TANC2: variants seen among roughly 807,000 people sequenced by gnomAD.
TANC2 encodes protein TANC2.
In TANC2, 26 loss-of-function variants were observed where a neutral mutation model predicts 210.5. The observed-to-expected ratio is 0.12, with a 90% CI of 0.09 to 0.17. The LOEUF (loss-of-function observed/expected upper bound fraction) is 0.17, where lower values mean the gene tolerates loss of function less well. Ranked by LOEUF, TANC2 falls within the 10% of genes least tolerant of loss-of-function variation. The pLI is 1.00. For synonymous variants in TANC2, 931 were observed against 967.1 expected (o/e 0.96, Z 0.69); for missense variants, 2,129 against 2,608.9 (o/e 0.82, Z 4.01).
At chr17:63,388,821 G>A in intron 16 of TANC2, 64 bp downstream of exon 16, 1 of 1,255,166 alleles carries the variant, frequency 8.0e-7, no homozygotes, top group Non-Finnish European at 1.1e-6. Context: ...AAACTAGAAG[G>A]ACATTAAGTA....
rs186574914 is a variant in TANC2 at position 63,167,125 on chromosome 17, G to T, written c.433+15745G>T. Among the ~76,000 whole-genome samples, 29 of 152,206 alleles carry T rather than the reference G, an allele frequency of 1.9e-4. 3 individuals carry two copies. The highest frequency in any genetic ancestry group is 1.3e-3 in the Admixed American group (20 of 15,282). On this transcript the variant is annotated intron_variant, in intron 5 of 27. Coordinates refer to ENST00000689528, the Ensembl canonical transcript of TANC2. ...CACACAGTAAAATTCAAGAACCATT[G>T]GTTAATGGTTAGAAACTAACTTTGA... is the stretch of plus-strand genomic sequence containing the variant.
intron 11 of TANC2, among the ~76,000 whole-genome samples, chr17:63,337,795 C>T (rs1009957537): frequency 4.6e-5 from 7 of 152,228 alleles, no homozygotes; most frequent in African/African-American, 1.7e-4. Flanking sequence ...CCGGTAGGCC[C>T]CAGTTGTTGT....
chr17:63,217,671 A>T (rs1253063872), intron 7 of TANC2, among the ~76,000 whole-genome samples: 2 of 152,196 alleles, frequency 1.3e-5, no homozygotes, highest in Non-Finnish European at 2.9e-5. Context: ...AAGAAGAGTG[A>T]TACCATTTCT....
chr17:63,417,142 G>A (rs145022915), intron 26 of TANC2, among the ~76,000 whole-genome samples: 104 of 152,296 alleles, frequency 6.8e-4, no homozygotes, highest in African/African-American at 2.4e-3. Flanking sequence ...GTTCAGAAGC[G>A]GTTGTTAATC....
At chr17:63,222,187 T>C (rs1012981453) in intron 7 of TANC2, among the ~76,000 whole-genome samples, 1 of 152,256 alleles carries the variant, frequency 6.6e-6, no homozygotes, top group East Asian at 1.9e-4. Context: ...GGTACACTTA[T>C]ATTGGTGGAT....
chr17:63,142,218 A>G (rs1336316137), intron 4 of TANC2, among the ~76,000 whole-genome samples: 1 of 152,200 alleles, frequency 6.6e-6, no homozygotes, highest in Non-Finnish European at 1.5e-5. Context: ...ACCAGTGGTG[A>G]CAACTGAGAC....
intron 4 of TANC2, among the ~76,000 whole-genome samples, chr17:63,136,637 A>C (rs191442505): frequency 7.1e-4 from 108 of 152,332 alleles, no homozygotes; most frequent in African/African-American, 2.5e-3. Context: ...AACATATAGA[A>C]AATGCAAATT....
At chr17:63,376,569 A>G (rs556266345) in intron 14 of TANC2, among the ~76,000 whole-genome samples, 1 of 152,252 alleles carries the variant, frequency 6.6e-6, no homozygotes, top group African/African-American at 2.4e-5. Context: ...GGAATCATCA[A>G]ATGGATTTCA....
chr17:63,287,094 G>T (rs1201455402), intron 9 of TANC2, among the ~76,000 whole-genome samples: 1 of 151,880 alleles, frequency 6.6e-6, no homozygotes, highest in African/African-American at 2.4e-5. Context: ...CACCACACTT[G>T]GCTAATTTTT....
intron 8 of TANC2, among the ~76,000 whole-genome samples, chr17:63,246,263 T>G (rs896761172): frequency 6.6e-6 from 1 of 151,954 alleles, no homozygotes; most frequent in African/African-American, 2.4e-5. Context: ...TGTTTTTTTT[T>G]CTAAAGCAGC....
chr17:63,308,139 G>T (rs1311329243), intron 9 of TANC2, among the ~76,000 whole-genome samples: 1 of 152,128 alleles, frequency 6.6e-6, no homozygotes, highest in Non-Finnish European at 1.5e-5. Flanking sequence ...AGTGGGGGAA[G>T]GCCTTTACAT....
intron 12 of TANC2, among the ~76,000 whole-genome samples, chr17:63,350,069 G>GAA (rs2046549066): frequency 6.6e-6 from 1 of 152,124 alleles, no homozygotes; most frequent in African/African-American, 2.4e-5. Context: ...TAAAGTTTAT[G>GAA]CTTTAGGAGA....
At chr17:63,215,267 A>C (rs748951902) in intron 7 of TANC2, among the ~76,000 whole-genome samples, 1 of 152,224 alleles carries the variant, frequency 6.6e-6, no homozygotes, top group Admixed American at 6.5e-5. Flanking sequence ...ACCAATTAAC[A>C]TATAGAGGAT....
chr17:63,022,846 C>T (rs2034406505), intron 2 of TANC2, among the ~76,000 whole-genome samples: 1 of 152,138 alleles, frequency 6.6e-6, no homozygotes, highest in African/African-American at 2.4e-5. Context: ...GCTTGACTCA[C>T]CTCTCCAAAA....
intron 2 of TANC2, among the ~76,000 whole-genome samples, chr17:63,011,745 G>T (rs918224989): frequency 4.6e-5 from 7 of 151,580 alleles, no homozygotes; most frequent in African/African-American, 1.7e-4. Context: ...AGGACTCCAG[G>T]TTTTTTTTAA....
At chr17:63,329,047 T>G (rs1004756721) in intron 11 of TANC2, among the ~76,000 whole-genome samples, 1 of 152,150 alleles carries the variant, frequency 6.6e-6, no homozygotes, top group African/African-American at 2.4e-5. Context: ...CAAAACAGTT[T>G]CTTGGAGCAT....
At chr17:63,215,406 G>A (rs184399225) in intron 7 of TANC2, among the ~76,000 whole-genome samples, 4 of 152,166 alleles carry the variant, frequency 2.6e-5, no homozygotes, top group Admixed American at 1.3e-4. Context: ...TGAATTTTCC[G>A]AGTCATAGGA....
chr17:63,266,311 A>G (rs907293696), intron 8 of TANC2, among the ~76,000 whole-genome samples: 2 of 152,232 alleles, frequency 1.3e-5, no homozygotes, highest in African/African-American at 2.4e-5. Context: ...TCTTTCCTAT[A>G]CACTGATTAG....
intron 3 of TANC2, among the ~76,000 whole-genome samples, chr17:63,094,717 C>A (rs964226016): frequency 6.6e-6 from 1 of 152,142 alleles, no homozygotes; most frequent in African/African-American, 2.4e-5. Context: ...TCAGTTGGAT[C>A]ATAGTCACTC....
Sources: gnomAD v4.1 joint callset for allele counts (sites outside exome capture counted in the v4.1 genomes callset) on GRCh38, gnomAD v4.1.1 for gene constraint, MANE v1.5 for transcripts, NCBI Gene and HGNC (gene_info 2026-07-23, HGNC 2026-07-21) for gene names.